KIAA1671: variants seen among roughly 807,000 people sequenced by gnomAD.
KIAA1671 encodes the protein KIAA1671.
In KIAA1671, 52 loss-of-function variants were observed where a neutral mutation model predicts 131.2. The observed-to-expected ratio is 0.40, with a 90% confidence interval of 0.32 to 0.50. KIAA1671 has a LOEUF of 0.50. Ranked by LOEUF, KIAA1671 falls within the 20% of genes least tolerant of loss-of-function variation. KIAA1671 has a pLI of 0.73. For synonymous variants in KIAA1671, 1,003 were observed against 961.6 expected (o/e 1.04, Z -0.80); for missense variants, 2,360 against 2,364.2 (o/e 1.00, Z 0.04).
intron 1 of KIAA1671, among the ~76,000 whole-genome samples, chr22:25,022,297 A>G (rs1925717793): frequency 6.6e-6 from 1 of 152,258 alleles, no homozygotes; most frequent in Non-Finnish European, 1.5e-5. Context: ...AACAGCTGTT[A>G]GAATGAATCA....
rs7288461 is a variant in KIAA1671, at chr22:24,960,787, T to A, written c.-208+8015T>A. ...TGTGGAACTTTAGGGAGGAAGGGTG[T>A]TTAGAACGTTGAAATGACCTGCCCA... On this transcript the variant is annotated intron_variant, in intron 1 of 12. Coordinates refer to ENST00000358431, the MANE Select transcript of KIAA1671 (RefSeq NM_001145206.2). Among the ~76,000 whole-genome samples, 612 of 151,660 alleles carry A rather than the reference T, an allele frequency of 4.0e-3. 3 individuals carry two copies. The highest frequency in any genetic ancestry group is 0.014 in the African/African-American group (564 of 41,312).
At chr22:25,174,690 C>T (rs1215423479) in intron 8 of KIAA1671, 4 of 514,928 alleles carry the variant, frequency 7.8e-6, no homozygotes, top group African/African-American at 5.8e-5. Context: ...AATGTCTTCA[C>T]CTCTCTGAGC....
rs572138188 is a variant in KIAA1671 at position 25,161,722 on chromosome 22, G to C, written c.4531-9098G>C. Among the ~76,000 whole-genome samples the C allele has an allele frequency of 3.3e-5, 5 of 152,290 alleles. No individual in the cohort carries two copies. The South Asian group carries it at 8.3e-4, about 25-fold the overall frequency. ...GTGCAGGGTGGATGTGGGACAGACTGGGGGACTTGGCCAATCCTTGGTCTC... is the reference window on the plus strand; with the variant it reads ...GTGCAGGGTGGATGTGGGACAGACTCGGGGACTTGGCCAATCCTTGGTCTC... On this transcript the variant is annotated intron_variant, in intron 6 of 12. Coordinates refer to ENST00000358431, the MANE Select transcript of KIAA1671 (RefSeq NM_001145206.2).
chr22:25,028,952 G>A lies in KIAA1671; in HGVS notation c.953G>A (p.Arg318Lys). ...PTAGDMAGLE[R>K]PRAASKLDRD... Reference sequence around the variant, plus strand: ...GCAGGGGATATGGCTGGGCTAGAGAGGCCCAGAGCAGCGTCCAAGCTGGAC... The same window carrying A: ...GCAGGGGATATGGCTGGGCTAGAGAAGCCCAGAGCAGCGTCCAAGCTGGAC... Residue 318 changes from arginine to lysine, a missense_variant, in exon 3 of 13, where the codon AGG becomes AAG. Coordinates refer to ENST00000358431, the MANE Select transcript of KIAA1671 (RefSeq NM_001145206.2). 1 of 1,548,882 alleles carries A rather than the reference G, an allele frequency of 6.5e-7. No individual in the cohort carries two copies. The highest frequency in any genetic ancestry group is 8.7e-7 in the Non-Finnish European group (1 of 1,145,854).
At chr22:25,178,659 C>G (rs892634265) in intron 9 of KIAA1671, among the ~76,000 whole-genome samples, 2 of 152,216 alleles carry the variant, frequency 1.3e-5, no homozygotes, top group Non-Finnish European at 2.9e-5. Flanking sequence ...TGCCCACTCC[C>G]CAGCAGACTC....
At chr22:25,132,774 A>G (rs1426283449) in intron 6 of KIAA1671, among the ~76,000 whole-genome samples, 1 of 152,168 alleles carries the variant, frequency 6.6e-6, no homozygotes, top group Non-Finnish European at 1.5e-5. Context: ...TGAGTGTTCC[A>G]TGGATAAAGA....
At chr22:25,121,330 T>C (rs1931933001) in intron 6 of KIAA1671, among the ~76,000 whole-genome samples, 1 of 151,626 alleles carries the variant, frequency 6.6e-6, no homozygotes, top group South Asian at 2.1e-4. Context: ...GGCAAGGTGG[T>C]GGGCGCCTGT....
intron 6 of KIAA1671, among the ~76,000 whole-genome samples, chr22:25,152,780 T>G (rs1933092620): frequency 6.6e-6 from 1 of 152,162 alleles, no homozygotes; most frequent in Non-Finnish European, 1.5e-5. Context: ...TGTTTGTATT[T>G]TTAGTGGAGA....
intron 6 of KIAA1671, among the ~76,000 whole-genome samples, chr22:25,092,532 G>A (rs1331744750): frequency 6.6e-6 from 1 of 152,160 alleles, no homozygotes; most frequent in African/African-American, 2.4e-5. Context: ...ATGGAGAACT[G>A]TCAAGCCCAG....
At chr22:25,112,084 G>T in intron 6 of KIAA1671, 1 of 398,018 alleles carries the variant, frequency 2.5e-6, no homozygotes, top group South Asian at 1.4e-4. Context: ...AAACTTCCAT[G>T]AGCAAAAGAG....
intron 6 of KIAA1671, chr22:25,112,616 C>G (rs1423697283): frequency 7.7e-6 from 3 of 388,172 alleles, no homozygotes; most frequent in Non-Finnish European, 9.1e-6. Context: ...GTCCCCTGTA[C>G]CTGGGAAAGA....
intron 1 of KIAA1671, among the ~76,000 whole-genome samples, chr22:25,000,208 T>TAAATG (rs1404478334): frequency 4.3e-4 from 36 of 83,848 alleles, no homozygotes; most frequent in Non-Finnish European, 6.7e-4. Flanking sequence ...TTTTTTTTTT[T>TAAATG]TTTGAGACGG....
chr22:25,089,248 C>G (rs960471666), intron 6 of KIAA1671, among the ~76,000 whole-genome samples: 1 of 150,032 alleles, frequency 6.7e-6, no homozygotes, highest in African/African-American at 2.5e-5. Flanking sequence ...CCAAGGGGTG[C>G]CTGTGTGTGT....
rs944925640 is a variant in KIAA1671 at position 25,040,808 on chromosome 22, C to T, written c.3678C>T (p.Thr1226=). 26 of 1,551,588 alleles carry T rather than the reference C, an allele frequency of 1.7e-5. No homozygotes were observed. The highest frequency in any genetic ancestry group is 1.5e-4 in the African/African-American group (11 of 73,048). The part of the protein sequence containing the change: ...PGEAQERRSP[T]VEPSTLPRER... ...AGGCTCAGGAGAGGAGGAGTCCCAC[C>T]GTGGAGCCCAGTACGTTGCCTCGGG... is the stretch of plus-strand genomic sequence containing the variant. The change falls in exon 5 of 13, where the codon ACC becomes ACT. Residue 1226 remains threonine, a synonymous_variant. Coordinates refer to ENST00000358431, the MANE Select transcript of KIAA1671 (RefSeq NM_001145206.2).
At chr22:25,093,746 C>CTCTCTCTCTG (rs1930181914) in intron 6 of KIAA1671, among the ~76,000 whole-genome samples, 8 of 121,338 alleles carry the variant, frequency 6.6e-5, no homozygotes, top group Non-Finnish European at 1.2e-4. Flanking sequence ...CACTCTCTCT[C>CTCTCTCTCTG]TCTCTCTCTC....
chr22:25,039,293 A>G lies in KIAA1671; in HGVS notation c.2163A>G (p.Glu721=), dbSNP rs1926785575. Residue 721 remains glutamate, a synonymous_variant, in exon 5 of 13, where the codon GAA becomes GAG. Coordinates refer to ENST00000358431, the MANE Select transcript of KIAA1671 (RefSeq NM_001145206.2). ...ATAACACCTTCCTCAAACACTTGGA[A>G]AATCCTCCCACATCGCAGAGAATTG... ...HNNNTFLKHL[E]NPPTSQRIEP... The G allele has an allele frequency of 3.9e-6, 6 of 1,552,134 alleles. 1 individual carries two copies. In the South Asian group the frequency reaches 7.1e-5, roughly 18 times the overall value.
In KIAA1671 at chr22:25,028,220, A is replaced by T. The variant is rs1383756070; in HGVS notation, c.221A>T (p.Glu74Val). Reference sequence around the variant, plus strand: ...CTCGCCCCCAAACCCTTCTCGAAGGAGCAGGACGTGAAATCTCCTGTCCCG... The same window carrying T: ...CTCGCCCCCAAACCCTTCTCGAAGGTGCAGGACGTGAAATCTCCTGTCCCG... The part of the protein sequence containing the change: ...PRLAPKPFSK[E>V]QDVKSPVPSL... The change falls in exon 3 of 13, where the codon GAG becomes GTG. Residue 74 changes from glutamate (E) to valine (V), a missense_variant. This residue lies in a region of KIAA1671 where 1,185 missense variants were observed against 1,126.2 expected (regional missense o/e 1.05). Coordinates refer to ENST00000358431, the MANE Select transcript of KIAA1671 (RefSeq NM_001145206.2). The T allele has an allele frequency of 6.4e-7, 1 of 1,551,414 alleles. No homozygotes were observed.
intron 1 of KIAA1671, among the ~76,000 whole-genome samples, chr22:24,988,985 T>C (rs1923696439): frequency 6.6e-6 from 1 of 152,192 alleles, no homozygotes; most frequent in African/African-American, 2.4e-5. Context: ...GGGATTGGAA[T>C]CCAGGTCTCT....
At chr22:25,173,741 TTATCAGAACCAAGGGATCCAAAATAC>T (rs1180285371) in intron 7 of KIAA1671, among the ~76,000 whole-genome samples, 1 of 152,260 alleles carries the variant, frequency 6.6e-6, no homozygotes, top group Non-Finnish European at 1.5e-5. Flanking sequence ...GGGATGTATT[TTATCAGAACCAAGGGATCCAAAATAC>T]TATCATTTCC....
Sources: gnomAD v4.1 joint callset for allele counts (sites outside exome capture counted in the v4.1 genomes callset) on GRCh38, gnomAD v4.1.1 for gene constraint, gnomAD v4.1.1 regional missense constraint, MANE v1.5 for transcripts, NCBI Gene and HGNC (gene_info 2026-07-23, HGNC 2026-07-21) for gene names.